APTX: variants seen among roughly 807,000 people sequenced by gnomAD.
APTX encodes the protein forkhead-associated domain histidine triad-like protein.
A neutral mutation model predicts 42.3 loss-of-function variants in APTX; 33 were observed. The ratio of observed to expected loss-of-function variants is 0.78; its 90% CI spans 0.59 to 1.04. The LOEUF is 1.04. APTX is among the 50% of genes least tolerant of loss of function. The pLI is 0.00. For synonymous variants in APTX, 130 were observed against 146.7 expected (o/e 0.89, Z 0.82); for missense variants, 421 against 415.1 (o/e 1.01, Z -0.12).
At chr9:33,020,803 A>G (rs1275488572) in intron 1 of APTX, among the ~76,000 whole-genome samples, 1 of 152,242 alleles carries the variant, frequency 6.6e-6, no homozygotes, top group Non-Finnish European at 1.5e-5. Flanking sequence ...AGCCATCTCC[A>G]GCTACCTCTA....
At chr9:33,019,896 C>G in intron 1 of APTX, 1 of 573,228 alleles carries the variant, frequency 1.7e-6, no homozygotes, top group Admixed American at 2.9e-5. Flanking sequence ...GCCAGGGACC[C>G]ATGGGCAATT....
At chr9:33,006,266 T>G (rs12379597), upstream of APTX, among the ~76,000 whole-genome samples, 1 of 151,982 alleles carries the variant, frequency 6.6e-6, no homozygotes, top group Non-Finnish European at 1.5e-5. Context: ...ATAAAAAAAA[T>G]TTTAATAAAA....
rs147289198 is a variant in APTX, at chr9:32,987,688, C to A, written c.339G>T (p.Arg113Ser). The A allele has an allele frequency of 3.1e-6, 5 of 1,614,188 alleles. No homozygotes were observed. The East Asian group carries it at 1.1e-4, about 36-fold the overall frequency. ...CACTGTTGCCTGATCTCTTTCTCTTCCTGTGTGTTTCCAGGCCAGGGTTCT... is the reference window on the plus strand; with the variant it reads ...CACTGTTGCCTGATCTCTTTCTCTTACTGTGTGTTTCCAGGCCAGGGTTCT... Reference protein sequence around the residue: ...EAKNPGLETHRKRKRSGNSDS... With the variant: ...EAKNPGLETHSKRKRSGNSDS... The change falls in exon 4 of 8, where the codon AGG (arginine) becomes AGT (serine). Residue 113 changes from arginine to serine, a missense_variant. Arg to Ser is a moderately radical substitution (Grantham distance 110). Transcript: ENST00000379817.
At chr9:32,980,584 G>A (rs1263191358) in intron 6 of APTX, 1 of 152,334 alleles carries the variant, frequency 6.6e-6, no homozygotes, top group East Asian at 1.9e-4. Context: ...CACTCTGACT[G>A]TTGTGTGAAG....
chr9:33,004,630 C>CTTTTTTTTTT (rs3065216), upstream of APTX, among the ~76,000 whole-genome samples: 5 of 125,712 alleles, frequency 4.0e-5, 1 homozygote, highest in African/African-American at 6.0e-5. Context: ...CTTGCCAACC[C>CTTTTTTTTTT]TTTTTTTTTT....
chr9:32,979,175 A>G (rs1307795173), intron 6 of APTX, among the ~76,000 whole-genome samples: 6 of 151,810 alleles, frequency 4.0e-5, no homozygotes, highest in Admixed American at 6.6e-5. Flanking sequence ...CAGTTTTTCA[A>G]TCCTCCCCCA....
intron 2 of APTX, among the ~76,000 whole-genome samples, chr9:32,988,686 G>GAAAAA (rs201425898): frequency 1.4e-5 from 1 of 70,866 alleles, no homozygotes; most frequent in African/African-American, 5.8e-5. Flanking sequence ...ATCTCAGGAG[G>GAAAAA]AAAAAAAAAA....
intron 1 of APTX, among the ~76,000 whole-genome samples, chr9:33,012,221 G>A (rs1263306646): frequency 6.6e-6 from 1 of 152,054 alleles, no homozygotes; most frequent in Admixed American, 6.6e-5. Flanking sequence ...TGATTCACAA[G>A]AGACCTTACT....
chr9:33,001,443 G>C (rs10813920), intron 1 of APTX, 124 bp downstream of exon 1: 3 of 1,563,106 alleles, frequency 1.9e-6, no homozygotes, highest in South Asian at 1.2e-5. Context: ...GCAGCCGTGA[G>C]AGCAGCGCAT....
chr9:32,986,586 T>A (rs1832222385), intron 4 of APTX, among the ~76,000 whole-genome samples: 1 of 151,504 alleles, frequency 6.6e-6, no homozygotes, highest in Non-Finnish European at 1.5e-5. Flanking sequence ...CACTGCAACC[T>A]CTGCCTCCCG....
Position 32,984,862 on chromosome 9 carries a change from C to A in APTX, c.544-5G>T. On this transcript the variant is annotated splice_polypyrimidine_tract_variant and splice_region_variant and intron_variant, in intron 5 of 7. Coordinates refer to ENST00000379817, the MANE Select transcript of APTX (RefSeq NM_001195248.2). ...CACCTGCTCATCTTTGTAAACCTAG[C>A]AGAGGGATACAAGAGAAGGAAACAG... is the stretch of plus-strand genomic sequence containing the variant. 1 of 1,607,804 alleles carries A rather than the reference C, an allele frequency of 6.2e-7. No homozygotes were observed. Among genetic ancestry groups the A allele is most frequent in the Non-Finnish European group, 8.5e-7 (1 of 1,174,242 alleles).
At position 32,985,959 on chromosome 9, in the gene APTX, T is replaced by C. The variant is rs1340170705; in HGVS notation, c.543+12A>G. ...CATGAAATGTACTGAAATTCCAAAA[T>C]TGTATTCTGACCTGCATTTTGGGGT... On this transcript the variant is annotated intron_variant, in intron 5 of 7. Transcript: ENST00000379817. The C allele has an allele frequency of 1.9e-6, 3 of 1,608,092 alleles. No individual in the cohort carries two copies. The highest frequency in any genetic ancestry group is 3.4e-5 in the Admixed American group (2 of 59,586).
intron 1 of APTX, among the ~76,000 whole-genome samples, chr9:32,998,165 G>A (rs772524659): frequency 7.2e-5 from 11 of 152,190 alleles, no homozygotes; most frequent in South Asian, 2.1e-4. Flanking sequence ...GGACTTGCAG[G>A]CAGAGCTGTC....
chr9:32,975,313 ACT>A (rs141068549), intron 6 of APTX, among the ~76,000 whole-genome samples: 10,715 of 152,080 alleles, frequency 0.07, 506 homozygotes, highest in Non-Finnish European at 0.11. Context: ...TCTGATTTAT[ACT>A]CTTTTTTTTT....
chr9:33,001,695 G>A (rs1836595338), upstream of APTX: 1 of 1,538,446 alleles, frequency 6.5e-7, no homozygotes. Flanking sequence ...CTAACGGATT[G>A]GCTGAAAGAA....
At chr9:32,991,278 C>T (rs557176715) in intron 1 of APTX, among the ~76,000 whole-genome samples, 30 of 152,252 alleles carry the variant, frequency 2.0e-4, no homozygotes, top group Admixed American at 4.6e-4. Context: ...CAATACGCAA[C>T]GCGCAAAACA....
intron 6 of APTX, among the ~76,000 whole-genome samples, chr9:32,978,454 A>G (rs1027167641): frequency 6.6e-6 from 1 of 152,160 alleles, no homozygotes; most frequent in East Asian, 1.9e-4. Flanking sequence ...AAGAGGAATT[A>G]TAGTTTCTAT....
chr9:32,996,792 T>C (rs901287600), intron 1 of APTX, among the ~76,000 whole-genome samples: 3 of 152,238 alleles, frequency 2.0e-5, no homozygotes, highest in African/African-American at 7.2e-5. Flanking sequence ...GCTAACAGAC[T>C]GCATCACTGC....
At chr9:33,001,950 C>T (rs1163516651), upstream of APTX, among the ~76,000 whole-genome samples, 1 of 152,238 alleles carries the variant, frequency 6.6e-6, no homozygotes, top group Non-Finnish European at 1.5e-5. Context: ...GAGACGTTCA[C>T]AACCTTTAAG....
Sources: allele counts gnomAD v4.1 joint callset (sites outside exome capture counted in the v4.1 genomes callset), GRCh38; gene constraint gnomAD v4.1.1; transcripts MANE v1.5; gene names NCBI Gene and HGNC (gene_info 2026-07-23, HGNC 2026-07-21).